BRD1: variants seen among roughly 807,000 people sequenced by gnomAD.
BRD1 encodes bromodomain containing 1.
A neutral mutation model predicts 107.7 loss-of-function variants in BRD1; 24 were observed. The observed-to-expected ratio is 0.22, with a 90% CI of 0.16 to 0.31. BRD1 has a LOEUF of 0.31. BRD1 is among the 10% of genes least tolerant of loss of function. BRD1 has a pLI of 1.00. For synonymous variants in BRD1, 744 were observed against 686.1 expected (o/e 1.08, Z -1.32); for missense variants, 1,279 against 1,638.6 (o/e 0.78, Z 3.79).
At chr22:49,805,233 G>T (rs569457456) in intron 2 of BRD1, among the ~76,000 whole-genome samples, 1 of 152,138 alleles carries the variant, frequency 6.6e-6, no homozygotes. Flanking sequence ...CAAGACCCTC[G>T]GCGCCTCTCA....
rs376099852 is a variant in BRD1 at position 49,777,152 on chromosome 22, C to T, written c.3003G>A (p.Ala1001=). 1.4e-5 allele frequency: 23 copies of T among 1,612,972 alleles called. No homozygotes were observed. In the East Asian group the frequency reaches 3.1e-4, roughly 22 times the overall value. Residue 1001 remains alanine (A), a synonymous_variant, in exon 10 of 13, where the codon GCG becomes GCA. Transcript: ENST00000404760. ...NSPLCDSSFN[A]PKCGRGKPAL... ...CCGGTTTGCCCCGCCCACATTTGGG[C>T]GCATTAAAGCTTCGGGAGGAAGAGC...
At chr22:49,809,842 C>G (rs1343807047) in intron 2 of BRD1, among the ~76,000 whole-genome samples, 2 of 152,104 alleles carry the variant, frequency 1.3e-5, no homozygotes, top group East Asian at 1.9e-4. Context: ...ACTGTTAAAC[C>G]TACAAGCCTA....
intron 2 of BRD1, among the ~76,000 whole-genome samples, chr22:49,810,221 T>A (rs1235968237): frequency 6.6e-6 from 1 of 152,138 alleles, no homozygotes; most frequent in Non-Finnish European, 1.5e-5. Context: ...GAAATTATCA[T>A]ATATAGGAAA....
At position 49,824,437 on chromosome 22, in the gene BRD1, A is replaced by G. The variant is rs2147437553; in HGVS notation, c.-14-106T>C. On this transcript the variant is annotated intron_variant, in intron 1 of 12. Coordinates refer to ENST00000404760, the MANE Select transcript of BRD1 (RefSeq NM_001304808.3). This position sits in a 1 kb window ranked among gnomAD's most constrained non-coding sequence, Gnocchi z 5.9. ...GATCTAGCTCAGCAGCTCAAAGCCCAATCAAAGCAAAACTCACAGCTAACC... is the reference window on the plus strand; with the variant it reads ...GATCTAGCTCAGCAGCTCAAAGCCCGATCAAAGCAAAACTCACAGCTAACC... 6.7e-7 allele frequency: 1 copy of G among 1,482,988 alleles called. No homozygotes were observed. Among genetic ancestry groups the G allele is most frequent in the Non-Finnish European group, 8.9e-7 (1 of 1,124,296 alleles). The allele number at this position is 1,482,988 out of a possible 1,614,324, so 91.9% of individuals were successfully genotyped here.
chr22:49,775,411 C>A, intron 12 of BRD1, 180 bp downstream of exon 12: 1 of 540,172 alleles, frequency 1.9e-6, no homozygotes, highest in Non-Finnish European at 2.9e-6. Flanking sequence ...ACAGTCCCGG[C>A]GAGGGGGCTG....
chr22:49,779,863 T>C (rs929952952), intron 8 of BRD1, among the ~76,000 whole-genome samples: 1 of 151,978 alleles, frequency 6.6e-6, no homozygotes, highest in Non-Finnish European at 1.5e-5. Context: ...CCAGCACCCC[T>C]GCCAGCATTC....
intron 1 of BRD1, chr22:49,826,300 G>T: frequency 1.0e-6 from 1 of 975,672 alleles, no homozygotes; most frequent in Non-Finnish European, 1.2e-6. Context: ...TGAACCGAAG[G>T]CTTCACGGCC....
intron 12 of BRD1, among the ~76,000 whole-genome samples, chr22:49,774,769 G>C (rs2146891856): frequency 6.6e-6 from 1 of 152,390 alleles, no homozygotes. Flanking sequence ...CCCCATCAAA[G>C]GGGCCCTCGG....
intron 3 of BRD1, among the ~76,000 whole-genome samples, chr22:49,802,856 G>A (rs912986746): frequency 1.3e-5 from 2 of 152,248 alleles, no homozygotes; most frequent in South Asian, 2.1e-4. Flanking sequence ...GTCACATCAT[G>A]GAACGGAAGA....
chr22:49,779,801 G>A (rs540936794), intron 8 of BRD1, among the ~76,000 whole-genome samples: 1 of 152,000 alleles, frequency 6.6e-6, no homozygotes, highest in South Asian at 2.1e-4. Flanking sequence ...ACCTGAGTGG[G>A]TGAAGGCAAG....
Position 49,774,154 on chromosome 22 carries a change from T to C in BRD1, c.*79A>G. 2.8e-6 allele frequency: 4 copies of C among 1,440,402 alleles called. No homozygotes were observed. The Admixed American group carries it at 1.0e-4, about 36-fold the overall frequency. The allele number at this position is 1,440,402 out of a possible 1,614,324, so 89.2% of individuals were successfully genotyped here. A position where few individuals can be genotyped will look rare whatever the true frequency, so the allele number is the denominator to read the frequency against. ...AAAGAGCTATAACTAAAAATCAGAA[T>C]AAGTTAAGTTTTGAACAATATACAA... On this transcript the variant is annotated 3_prime_UTR_variant, in exon 13 of 13. Coordinates refer to ENST00000404760, the MANE Select transcript of BRD1 (RefSeq NM_001304808.3).
intron 2 of BRD1, among the ~76,000 whole-genome samples, chr22:49,809,466 G>T (rs958808697): frequency 2.6e-5 from 4 of 151,816 alleles, no homozygotes; most frequent in African/African-American, 9.7e-5. Context: ...GCTTGAACAC[G>T]GGAGGCGGAG....
At chr22:49,820,145 A>G (rs559459609) in intron 2 of BRD1, among the ~76,000 whole-genome samples, 13 of 148,072 alleles carry the variant, frequency 8.8e-5, no homozygotes, top group African/African-American at 2.4e-4. Flanking sequence ...AAAGGGGGGA[A>G]AAAAAAGAAC....
At position 49,776,275 on chromosome 22, in the gene BRD1, G is replaced by A. The variant is rs574394226; in HGVS notation, c.3122-116C>T. The A allele has an allele frequency of 4.9e-6, 4 of 819,626 alleles. No homozygotes were observed. In the South Asian group the frequency reaches 6.3e-5, roughly 13 times the overall value. 50.8% of individuals were successfully genotyped at this position (819,626 alleles called of 1,614,324 possible). The stretch of plus-strand genomic sequence containing the variant: ...CCCCCGAGCACAGCCCAGCTCCCAG[G>A]CCTTTCTCAGCCACCCCGGCAGCAC... On this transcript the variant is annotated intron_variant, in intron 10 of 12. Transcript: ENST00000404760.
intron 6 of BRD1, 119 bp from the exon 7 acceptor site, chr22:49,794,413 G>T: frequency 7.4e-7 from 1 of 1,349,846 alleles, no homozygotes; most frequent in Non-Finnish European, 1.0e-6. Context: ...TGTTAGCAAC[G>T]AGGCCCAGGC....
At chr22:49,796,405 TC>T (rs1213740453) in intron 6 of BRD1, among the ~76,000 whole-genome samples, 1 of 150,008 alleles carries the variant, frequency 6.7e-6, no homozygotes, top group African/African-American at 2.5e-5. Flanking sequence ...CACCCAGGCT[TC>T]AGTGCAATGG....
intron 4 of BRD1, 91 bp downstream of exon 4, chr22:49,798,897 G>A (rs946019049): frequency 3.9e-5 from 58 of 1,499,852 alleles, no homozygotes; most frequent in African/African-American, 5.6e-5. Flanking sequence ...AGGACCCACC[G>A]GGTGCAGCCC....
chr22:49,804,422 C>A, intron 2 of BRD1, 62 bp from the exon 3 acceptor site: 1 of 1,516,806 alleles, frequency 6.6e-7, no homozygotes, highest in South Asian at 1.3e-5. Flanking sequence ...ATCACATAAA[C>A]TAGAAATGAC....
intron 8 of BRD1, among the ~76,000 whole-genome samples, chr22:49,784,576 C>T (rs1275396782): frequency 1.3e-5 from 2 of 152,252 alleles, no homozygotes; most frequent in Non-Finnish European, 2.9e-5. Flanking sequence ...GACCAGCGAC[C>T]CTGTTCAGCC....
Sources: gnomAD v4.1 joint callset for allele counts (sites outside exome capture counted in the v4.1 genomes callset) on GRCh38, gnomAD v4.1.1 for gene constraint, Gnocchi (gnomAD v3.1) non-coding constraint, MANE v1.5 for transcripts, NCBI Gene and HGNC (gene_info 2026-07-23, HGNC 2026-07-21) for gene names.